Variants in RBFOX3 observed in about 807,000 individuals in gnomAD.
RBFOX3 encodes RNA binding protein fox-1 homolog 3.
In RBFOX3, 17 loss-of-function variants were observed where a neutral mutation model predicts 48.7. The ratio of observed to expected loss-of-function variants is 0.35; its 90% CI spans 0.24 to 0.52. The LOEUF (loss-of-function observed/expected upper bound fraction) is 0.52. Ranked by LOEUF, RBFOX3 falls within the 20% of genes least tolerant of loss-of-function variation. The pLI, the probability that RBFOX3 is intolerant of heterozygous loss-of-function variation, is 0.94. For synonymous variants in RBFOX3, 212 were observed against 209.5 expected, an observed-to-expected ratio of 1.01 and a Z score of -0.10; for missense variants, 382 against 497.5, an observed-to-expected ratio of 0.77 and a Z score of 2.21.
At chr17:79,109,602 G>A (rs1347413444) in intron 5 of RBFOX3, among the ~76,000 whole-genome samples, 1 of 152,216 alleles carries the variant, frequency 6.6e-6, no homozygotes, top group Non-Finnish European at 1.5e-5. Context: ...CGATCTTTAT[G>A]GAGGTCTGAA....
chr17:79,305,798 T>C (rs1284566820), intron 3 of RBFOX3, among the ~76,000 whole-genome samples: 1 of 152,216 alleles, frequency 6.6e-6, no homozygotes, highest in Non-Finnish European at 1.5e-5. Context: ...TTCCGTTTGC[T>C]CAGGCTGAAT....
At position 79,384,617 on chromosome 17, in the gene RBFOX3, AG is replaced by A. The variant is rs555293046; in HGVS notation, c.-174-76794del. On this transcript the variant is annotated intron_variant, in intron 2 of 14. Coordinates refer to ENST00000693108, the MANE Select transcript of RBFOX3 (RefSeq NM_001350451.2). Reference sequence around the variant, plus strand: ...GCCAGCACCCTCCTCAGGCCCACCCAGGCCTGCGCATCTGGGGACCAAGGCG... The same window carrying A: ...GCCAGCACCCTCCTCAGGCCCACCCAGCCTGCGCATCTGGGGACCAAGGCG... 2.7e-3 allele frequency among the ~76,000 whole-genome samples: 408 copies of A among 152,276 alleles called. 1 individual carries two copies. The highest frequency in any genetic ancestry group is 6.5e-3 in the Admixed American group (99 of 15,298).
At chr17:79,383,031 A>ACACACACAC (rs2060118021) in intron 2 of RBFOX3, among the ~76,000 whole-genome samples, 2 of 141,400 alleles carry the variant, frequency 1.4e-5, no homozygotes, top group African/African-American at 5.6e-5. Context: ...CTGCCTCTCA[A>ACACACACAC]ACACACACAC....
At chr17:79,137,286 G>T (rs545351073) in intron 4 of RBFOX3, among the ~76,000 whole-genome samples, 1 of 151,594 alleles carries the variant, frequency 6.6e-6, no homozygotes, top group African/African-American at 2.4e-5. Flanking sequence ...CACAAGACAT[G>T]CAGTCCCTGT....
rs1362674447 is a variant in RBFOX3 at position 79,392,201 on chromosome 17, C to T, written c.-174-84377G>A. On this transcript the variant is annotated intron_variant, in intron 2 of 14. Transcript: ENST00000693108. The surrounding 1 kb of genome is among the most constrained non-coding windows in gnomAD (Gnocchi z 5.0). ...GAAAACTGGGGCAGCCTCCTCACCC[C>T]CGTCTCTTTTCTCAGTGGTTAGTTA... Among the ~76,000 whole-genome samples, 1 of 152,166 alleles carries T rather than the reference C, an allele frequency of 6.6e-6. No homozygotes were observed. Among genetic ancestry groups the T allele is most frequent in the Non-Finnish European group, 1.5e-5 (1 of 68,030 alleles).
At chr17:79,371,776 C>T (rs1004806510) in intron 2 of RBFOX3, among the ~76,000 whole-genome samples, 1 of 152,142 alleles carries the variant, frequency 6.6e-6, no homozygotes, top group African/African-American at 2.4e-5. Context: ...TGGGGTCACC[C>T]TTGGGAGCAG....
chr17:79,356,948 G>T (rs1199169841), intron 2 of RBFOX3, among the ~76,000 whole-genome samples: 1 of 152,160 alleles, frequency 6.6e-6, no homozygotes, highest in East Asian at 1.9e-4. Flanking sequence ...ACTGAGATGG[G>T]ACACTTGGCT....
At chr17:79,359,206 G>C (rs1204798012) in intron 2 of RBFOX3, among the ~76,000 whole-genome samples, 1 of 152,234 alleles carries the variant, frequency 6.6e-6, no homozygotes, top group East Asian at 1.9e-4. Context: ...CAAGAGCTGA[G>C]GGGCTTGGCT....
At chr17:79,240,551 C>T (rs1187943302) in intron 3 of RBFOX3, among the ~76,000 whole-genome samples, 3 of 152,238 alleles carry the variant, frequency 2.0e-5, no homozygotes, top group African/African-American at 7.2e-5. Context: ...ACTGAATATA[C>T]ATCATTGACC....
chr17:79,467,418 T>C (rs2076459569), intron 2 of RBFOX3, among the ~76,000 whole-genome samples: 1 of 152,190 alleles, frequency 6.6e-6, no homozygotes, highest in Non-Finnish European at 1.5e-5. Flanking sequence ...AAATTTCTTT[T>C]ACATTTTGCC....
chr17:79,331,907 C>T (rs4790011), intron 2 of RBFOX3, among the ~76,000 whole-genome samples: 16,815 of 152,242 alleles, frequency 0.11, 1,031 homozygotes, highest in East Asian at 0.2. Flanking sequence ...CCCTCCTGTG[C>T]GGCTCACAGG....
At chr17:79,278,293 G>A (rs1391199195) in intron 3 of RBFOX3, among the ~76,000 whole-genome samples, 1 of 152,214 alleles carries the variant, frequency 6.6e-6, no homozygotes, top group Admixed American at 6.5e-5. Context: ...ACGAGAAAGA[G>A]GGCCTCTGCC....
chr17:79,259,032 T>C (rs1270493869), intron 3 of RBFOX3, among the ~76,000 whole-genome samples: 1 of 151,188 alleles, frequency 6.6e-6, no homozygotes, highest in Non-Finnish European at 1.5e-5. Flanking sequence ...TCACTTGCAA[T>C]CCCAGCTCTA....
intron 2 of RBFOX3, among the ~76,000 whole-genome samples, chr17:79,407,430 G>T (rs1420739824): frequency 6.6e-6 from 1 of 152,276 alleles, no homozygotes; most frequent in Non-Finnish European, 1.5e-5. Context: ...TCCCCTGGGG[G>T]AGGACAGGAA....
At chr17:79,518,869 T>G (rs971892102) in intron 1 of RBFOX3, among the ~76,000 whole-genome samples, 4 of 152,234 alleles carry the variant, frequency 2.6e-5, no homozygotes. Context: ...GAGAAACAAT[T>G]TGGAAAATTG....
intron 2 of RBFOX3, among the ~76,000 whole-genome samples, chr17:79,461,321 C>T (rs2075338643): frequency 6.6e-6 from 1 of 152,200 alleles, no homozygotes; most frequent in Non-Finnish European, 1.5e-5. Context: ...GAGAAATATT[C>T]TCTTCTCATT....
At chr17:79,210,486 G>A (rs565395461) in intron 4 of RBFOX3, among the ~76,000 whole-genome samples, 8 of 152,158 alleles carry the variant, frequency 5.3e-5, no homozygotes, top group Non-Finnish European at 8.8e-5. Context: ...AGTGCCCGCC[G>A]CATACTTCAC....
At position 79,249,217 on chromosome 17, in the gene RBFOX3, C is replaced by G. The variant is rs543562823; in HGVS notation, c.-73-13412G>C. 3.3e-5 allele frequency among the ~76,000 whole-genome samples: 5 copies of G among 152,158 alleles called. No homozygotes were observed. The East Asian group carries it at 9.6e-4, about 29-fold the overall frequency. ...CTGCTGCTTGCTGGGGCGTCGAAAG[C>G]CAAGCGCGCTCAGGTCTTCAAAGCC... is the stretch of plus-strand genomic sequence containing the variant. On this transcript the variant is annotated intron_variant, in intron 3 of 14. Transcript: ENST00000693108. This position sits in a 1 kb window ranked among gnomAD's most constrained non-coding sequence, Gnocchi z 4.1.
intron 4 of RBFOX3, among the ~76,000 whole-genome samples, chr17:79,230,737 G>A (rs938150388): frequency 9.9e-5 from 15 of 152,048 alleles, no homozygotes; most frequent in African/African-American, 3.6e-4. Context: ...TGTGTCCCAG[G>A]CTCACGAGTG....
Sources: gnomAD v4.1 joint callset for allele counts (sites outside exome capture counted in the v4.1 genomes callset) on GRCh38, gnomAD v4.1.1 for gene constraint, Gnocchi (gnomAD v3.1) non-coding constraint, MANE v1.5 for transcripts, NCBI Gene and HGNC (gene_info 2026-07-23, HGNC 2026-07-21) for gene names.